RNF130: variants seen among roughly 807,000 people sequenced by gnomAD.
RNF130 encodes E3 ubiquitin-protein ligase RNF130.
Under a neutral mutation model 44.6 loss-of-function variants are expected in RNF130, and 21 were observed. That is an observed-to-expected ratio of 0.47 (90% CI 0.33 to 0.68). The LOEUF (loss-of-function observed/expected upper bound fraction) is 0.68, where lower values mean the gene tolerates loss of function less well. Ranked by LOEUF, RNF130 falls within the 30% of genes least tolerant of loss-of-function variation. RNF130 has a pLI of 0.02. For synonymous variants in RNF130, 214 were observed against 210.4 expected, an observed-to-expected ratio of 1.02 and a Z score of -0.15; for missense variants, 479 against 560.6, an observed-to-expected ratio of 0.85 and a Z score of 1.47.
chr5:179,981,710 A>T (rs890742649), intron 3 of RNF130, among the ~76,000 whole-genome samples: 1 of 152,228 alleles, frequency 6.6e-6, no homozygotes, highest in Non-Finnish European at 1.5e-5. Flanking sequence ...AACATTATCC[A>T]ATACTCACAC....
intron 3 of RNF130, among the ~76,000 whole-genome samples, chr5:180,002,287 C>T (rs1763361932): frequency 6.6e-6 from 1 of 152,242 alleles, no homozygotes; most frequent in Non-Finnish European, 1.5e-5. Flanking sequence ...ACAGGTGGAG[C>T]AGCTCCATCT....
intron 1 of RNF130, among the ~76,000 whole-genome samples, chr5:180,053,560 A>G (rs2113163989): frequency 6.6e-6 from 1 of 152,344 alleles, no homozygotes. Flanking sequence ...AAAAGCCCAG[A>G]AAGTTGAAGG....
intron 3 of RNF130, among the ~76,000 whole-genome samples, chr5:179,992,022 A>G (rs940262363): frequency 6.6e-6 from 1 of 152,166 alleles, no homozygotes; most frequent in East Asian, 1.9e-4. Flanking sequence ...TAATGCTAGC[A>G]ATGGGGAGCG....
At chr5:180,011,754 G>C (rs956226421) in intron 3 of RNF130, among the ~76,000 whole-genome samples, 1 of 150,398 alleles carries the variant, frequency 6.6e-6, no homozygotes, top group Non-Finnish European at 1.5e-5. Context: ...GACAGGGCAA[G>C]ACCCTGTCTC....
intron 2 of RNF130, among the ~76,000 whole-genome samples, chr5:180,039,290 A>G (rs900838575): frequency 6.6e-6 from 1 of 151,372 alleles, no homozygotes; most frequent in African/African-American, 2.4e-5. Context: ...CCTAGGCTGG[A>G]GTGCAGTGGT....
chr5:180,055,447 TGTGTGC>T (rs1198596727), intron 1 of RNF130, among the ~76,000 whole-genome samples: 5 of 151,066 alleles, frequency 3.3e-5, no homozygotes, highest in Non-Finnish European at 5.9e-5. Flanking sequence ...ACTTTGTGTG[TGTGTGC>T]GTGTGTGTGT....
chr5:180,050,389 T>C (rs1001648419), intron 1 of RNF130, among the ~76,000 whole-genome samples: 1 of 152,174 alleles, frequency 6.6e-6, no homozygotes, highest in East Asian at 1.9e-4. Flanking sequence ...TTTTGTTCTA[T>C]TCATGCCATC....
At chr5:180,010,522 G>A (rs1347371659) in intron 3 of RNF130, among the ~76,000 whole-genome samples, 1 of 152,020 alleles carries the variant, frequency 6.6e-6, no homozygotes, top group Non-Finnish European at 1.5e-5. Flanking sequence ...ACCTTGCCCA[G>A]CTACATTTTT....
chr5:180,071,730 C>T lies in RNF130; in HGVS notation c.-28G>A. ...TCCCTCCGGCAGCCGCCGCTGCTCG[C>T]GGACCGGGCTCCGGGGCCGGCGCCT... On this transcript the variant is annotated 5_prime_UTR_variant, in exon 1 of 9. Transcript: ENST00000521389. The T allele has an allele frequency of 8.2e-7, 1 of 1,215,896 alleles. No homozygotes were observed. Among genetic ancestry groups the T allele is most frequent in the Non-Finnish European group, 1.0e-6 (1 of 979,244 alleles). 75.3% of individuals were successfully genotyped at this position (1,215,896 alleles called of 1,614,324 possible).
At chr5:180,052,858 G>A (rs568007819) in intron 1 of RNF130, among the ~76,000 whole-genome samples, 7 of 152,242 alleles carry the variant, frequency 4.6e-5, no homozygotes, top group Middle Eastern at 3.4e-3. Flanking sequence ...AATCTGAGAC[G>A]TCCATAAACC....
intron 2 of RNF130, among the ~76,000 whole-genome samples, chr5:180,013,930 C>T (rs1015576450): frequency 2.0e-5 from 3 of 152,170 alleles, no homozygotes; most frequent in Non-Finnish European, 4.4e-5. Flanking sequence ...AATGGTGCCA[C>T]CTTTTATTAG....
intron 2 of RNF130, among the ~76,000 whole-genome samples, chr5:180,015,052 T>G (rs1479930787): frequency 1.3e-5 from 2 of 152,162 alleles, no homozygotes; most frequent in Non-Finnish European, 2.9e-5. Flanking sequence ...ACATATACCT[T>G]TTTACTACCT....
chr5:180,045,190 A>C (rs949137811), intron 1 of RNF130, among the ~76,000 whole-genome samples: 1 of 152,254 alleles, frequency 6.6e-6, no homozygotes, highest in Non-Finnish European at 1.5e-5. Flanking sequence ...GAGAAGGAGA[A>C]GAATATTCAG....
At chr5:179,949,461 T>C (rs1337958835) in intron 7 of RNF130, among the ~76,000 whole-genome samples, 1 of 151,584 alleles carries the variant, frequency 6.6e-6, no homozygotes, top group Non-Finnish European at 1.5e-5. Flanking sequence ...GGTCTTGCTA[T>C]GTTGCCCAGG....
At chr5:179,950,114 T>C (rs77282554), downstream of RNF130, among the ~76,000 whole-genome samples, 3 of 152,184 alleles carry the variant, frequency 2.0e-5, no homozygotes, top group East Asian at 3.9e-4. Flanking sequence ...GCTTATTAAA[T>C]AACTTTTTTT....
chr5:179,986,547 T>C (rs1011847689), intron 3 of RNF130, among the ~76,000 whole-genome samples: 1 of 152,238 alleles, frequency 6.6e-6, no homozygotes, highest in Non-Finnish European at 1.5e-5. Flanking sequence ...CATAAGCGTA[T>C]GTCACATGAC....
At chr5:180,056,427 A>C (rs1345056542) in intron 1 of RNF130, among the ~76,000 whole-genome samples, 1 of 152,174 alleles carries the variant, frequency 6.6e-6, no homozygotes, top group Non-Finnish European at 1.5e-5. Context: ...GAAACAGACC[A>C]CATTTTAGAG....
chr5:180,016,082 G>A (rs1176645860), intron 2 of RNF130, among the ~76,000 whole-genome samples: 2 of 152,202 alleles, frequency 1.3e-5, no homozygotes, highest in Non-Finnish European at 2.9e-5. Flanking sequence ...GCACAGAGAA[G>A]AGCCGGGCAG....
chr5:179,974,435 C>A (rs779034214), intron 5 of RNF130, among the ~76,000 whole-genome samples: 5 of 152,228 alleles, frequency 3.3e-5, no homozygotes, highest in Non-Finnish European at 5.9e-5. Context: ...GATCACTGAG[C>A]CGAGGAGGAG....
Sources: allele counts gnomAD v4.1 joint callset (sites outside exome capture counted in the v4.1 genomes callset), GRCh38; gene constraint gnomAD v4.1.1; transcripts MANE v1.5; gene names NCBI Gene and HGNC (gene_info 2026-07-23, HGNC 2026-07-21).